Variants in GRM8 observed in about 807,000 individuals in gnomAD.
GRM8 encodes the protein metabotropic glutamate receptor 8.
Under a neutral mutation model 87.2 loss-of-function variants are expected in GRM8, and 47 were observed. The observed-to-expected ratio is 0.54, with a 90% CI of 0.43 to 0.69. The LOEUF (loss-of-function observed/expected upper bound fraction) is 0.69, where lower values mean the gene tolerates loss of function less well. Among genes scored for constraint, GRM8 ranks in the 30% least tolerant of loss-of-function variants. GRM8 has a pLI of 0.00. For synonymous variants in GRM8, 396 were observed against 404.5 expected, an observed-to-expected ratio of 0.98 and a Z score of 0.25; for missense variants, 1,019 against 1,139.2, an observed-to-expected ratio of 0.89 and a Z score of 1.52.
chr7:126,628,037 T>C (rs1296098083), intron 7 of GRM8, among the ~76,000 whole-genome samples: 1 of 152,130 alleles, frequency 6.6e-6, no homozygotes, highest in Non-Finnish European at 1.5e-5. Flanking sequence ...AAGTAGTCCC[T>C]CTTTTTCTTT....
chr7:126,507,208 T>C (rs899356350), intron 9 of GRM8, among the ~76,000 whole-genome samples: 2 of 152,142 alleles, frequency 1.3e-5, no homozygotes, highest in Non-Finnish European at 1.5e-5. Context: ...AGTAATTTTC[T>C]TGTGGCAATA....
intron 7 of GRM8, among the ~76,000 whole-genome samples, chr7:126,716,695 TCA>T (rs967763628): frequency 3.9e-5 from 6 of 152,220 alleles, no homozygotes; most frequent in African/African-American, 1.4e-4. Context: ...CCAAGGACTT[TCA>T]TTCTCCCTGA....
intron 6 of GRM8, among the ~76,000 whole-genome samples, chr7:126,832,463 C>T (rs767545418): frequency 6.6e-6 from 1 of 151,970 alleles, no homozygotes; most frequent in East Asian, 1.9e-4. Flanking sequence ...ATGAAGCCAA[C>T]AAAAAAACAC....
rs188334367 is a variant in GRM8 at position 126,786,322 on chromosome 7, T to C, written c.1157-16257A>G. ...TCACCTACTCACCAAATTAACGAAC[T>C]TTTTAATGAACCAATTACTGTTTAC... On this transcript the variant is annotated intron_variant, in intron 6 of 10. Transcript: ENST00000339582. 9.3e-4 allele frequency among the ~76,000 whole-genome samples: 141 copies of C among 152,296 alleles called. 3 individuals carry two copies. In the East Asian group the frequency reaches 0.025, roughly 27 times the overall value.
intron 9 of GRM8, among the ~76,000 whole-genome samples, chr7:126,486,696 A>C (rs559310723): frequency 1.3e-5 from 2 of 152,092 alleles, no homozygotes; most frequent in Non-Finnish European, 2.9e-5. Flanking sequence ...TTGAAATTAA[A>C]ACTGAGAAAT....
chr7:127,075,719 G>A (rs1822187415), intron 3 of GRM8, among the ~76,000 whole-genome samples: 2 of 152,064 alleles, frequency 1.3e-5, no homozygotes, highest in Admixed American at 6.6e-5. Context: ...ACCTGCCAAG[G>A]GGATTCTTCC....
At position 126,904,138 on chromosome 7, in the gene GRM8, A is replaced by C. The variant is rs375843452; in HGVS notation, c.864-12T>G. Reference sequence around the variant, plus strand: ...CTTCCAATATCCTCCTACAGGAATAAAAATAAATAATGCATATCACATGTA... The same window carrying C: ...CTTCCAATATCCTCCTACAGGAATACAAATAAATAATGCATATCACATGTA... On this transcript the variant is annotated splice_polypyrimidine_tract_variant and intron_variant, in intron 4 of 10. Coordinates refer to ENST00000339582, the MANE Select transcript of GRM8 (RefSeq NM_000845.3). 3.8e-6 allele frequency: 6 copies of C among 1,597,460 alleles called. No homozygotes were observed. Among genetic ancestry groups the C allele is most frequent in the Admixed American group, 1.7e-5 (1 of 59,304 alleles).
rs146591030 is a variant in GRM8 at position 126,516,540 on chromosome 7, T to C, written c.2430+16412A>G. ...CAACAGAAATCAGAAAGAAGCATGC[T>C]GCTATTGCATGAAATTAAACTAAGC... On this transcript the variant is annotated intron_variant, in intron 9 of 10. Coordinates refer to ENST00000339582, the MANE Select transcript of GRM8 (RefSeq NM_000845.3). Among the ~76,000 whole-genome samples the C allele has an allele frequency of 2.3e-3, 354 of 152,224 alleles. 3 individuals are homozygous for C. Among genetic ancestry groups the C allele is most frequent in the African/African-American group, 8.2e-3 (341 of 41,554 alleles).
chr7:127,245,020 T>C (rs1301295889), intron 1 of GRM8, among the ~76,000 whole-genome samples: 2 of 152,206 alleles, frequency 1.3e-5, no homozygotes, highest in African/African-American at 2.4e-5. Context: ...ACCACTTCAC[T>C]GTTTAGTCCC....
intron 7 of GRM8, among the ~76,000 whole-genome samples, chr7:126,613,256 C>T (rs1387584818): frequency 1.3e-5 from 2 of 150,952 alleles, no homozygotes; most frequent in Non-Finnish European, 2.9e-5. Flanking sequence ...CTGAAACTGG[C>T]CACTCTGAGA....
intron 9 of GRM8, among the ~76,000 whole-genome samples, chr7:126,503,256 T>C (rs991870508): frequency 2.0e-5 from 3 of 151,976 alleles, no homozygotes; most frequent in Non-Finnish European, 4.4e-5. Context: ...AGGGACAAGA[T>C]GGAGAAGGCA....
At chr7:127,211,041 T>C (rs977837467) in intron 2 of GRM8, among the ~76,000 whole-genome samples, 1 of 152,192 alleles carries the variant, frequency 6.6e-6, no homozygotes, top group African/African-American at 2.4e-5. Context: ...AATGCATATA[T>C]TGGAACTTGT....
intron 8 of GRM8, among the ~76,000 whole-genome samples, chr7:126,600,383 G>A (rs2151071434): frequency 6.6e-6 from 1 of 152,156 alleles, no homozygotes; most frequent in South Asian, 2.1e-4. Context: ...TCATATGCAT[G>A]GCTTCTGACT....
At chr7:127,017,854 T>C (rs985283316) in intron 3 of GRM8, among the ~76,000 whole-genome samples, 10 of 151,886 alleles carry the variant, frequency 6.6e-5, no homozygotes, top group African/African-American at 2.4e-4. Context: ...ACTTAAATAA[T>C]GCTTAAAGTG....
intron 3 of GRM8, among the ~76,000 whole-genome samples, chr7:127,073,078 G>A (rs540773413): frequency 4.6e-5 from 7 of 152,218 alleles, no homozygotes; most frequent in South Asian, 2.1e-4. Flanking sequence ...AGTCATCACC[G>A]CCACAGCTGT....
At chr7:127,055,988 C>CT (rs1422962776) in intron 3 of GRM8, among the ~76,000 whole-genome samples, 1 of 152,148 alleles carries the variant, frequency 6.6e-6, no homozygotes, top group Non-Finnish European at 1.5e-5. Context: ...TCAGGTATGA[C>CT]TGAACAGTTA....
chr7:127,044,146 G>C (rs1465799055), intron 3 of GRM8, among the ~76,000 whole-genome samples: 2 of 152,194 alleles, frequency 1.3e-5, no homozygotes, highest in African/African-American at 4.8e-5. Context: ...GAGCTCACCA[G>C]ATACTGCCAA....
chr7:127,030,703 T>G (rs974207884), intron 3 of GRM8, among the ~76,000 whole-genome samples: 2 of 152,142 alleles, frequency 1.3e-5, no homozygotes, highest in Non-Finnish European at 2.9e-5. Context: ...ACATGCTGAA[T>G]AGTACTGGTA....
chr7:126,621,044 C>T (rs187890648), intron 7 of GRM8, among the ~76,000 whole-genome samples: 2 of 152,170 alleles, frequency 1.3e-5, no homozygotes, highest in African/African-American at 4.8e-5. Context: ...TTTTAGCACC[C>T]TTAAATAAAG....
Sources: allele counts gnomAD v4.1 joint callset (sites outside exome capture counted in the v4.1 genomes callset), GRCh38; gene constraint gnomAD v4.1.1; transcripts MANE v1.5; gene names NCBI Gene and HGNC (gene_info 2026-07-23, HGNC 2026-07-21).